Variants in CSTF1 observed in about 807,000 individuals in gnomAD.
CSTF1 encodes cleavage stimulation factor subunit 1.
Under a neutral mutation model 40.9 loss-of-function variants are expected in CSTF1, and 2 were observed. That is an observed-to-expected ratio of 0.05 (90% CI 0.02 to 0.15). CSTF1 has a LOEUF of 0.15. CSTF1 is among the 10% of genes least tolerant of loss of function. The pLI, the probability that CSTF1 is intolerant of heterozygous loss-of-function variation, is 1.00. For missense variants in CSTF1, 279 were observed against 558.9 expected (o/e 0.50, Z 5.05); for synonymous variants, 218 against 207.2 (o/e 1.05, Z -0.45).
Position 56,399,445 on chromosome 20 carries a change from A to G in CSTF1, c.1036+88A>G, listed in dbSNP as rs575780747. On this transcript the variant is annotated intron_variant, in intron 5 of 5. Transcript: ENST00000217109. This position sits in a 1 kb window ranked among gnomAD's most constrained non-coding sequence, Gnocchi z 4.6. ...TTAAGACCTCACAATAGAGCAACAC[A>G]ATATCTATGCATTGAGCAAGGCAGA... 5 of 1,178,518 alleles carry G rather than the reference A, an allele frequency of 4.2e-6. No individual in the cohort carries two copies. The African/African-American group carries it at 6.1e-5, about 14-fold the overall frequency. 73.0% of individuals were successfully genotyped at this position (1,178,518 alleles called of 1,614,324 possible).
rs576547236 is a variant in CSTF1, at chr20:56,401,058, A to G, written c.1036+1701A>G. 1.4e-3 allele frequency among the ~76,000 whole-genome samples: 213 copies of G among 152,296 alleles called. 2 individuals carry two copies. The highest frequency in any genetic ancestry group is 4.9e-3 in the African/African-American group (205 of 41,560). On this transcript the variant is annotated intron_variant, in intron 5 of 5. Coordinates refer to ENST00000217109, the MANE Select transcript of CSTF1 (RefSeq NM_001324.3). ...CGTCTCAAAAAATGATAATAATAATAATTAGTTAGAATTCAGAGGGTTTTT... is the reference window on the plus strand; with the variant it reads ...CGTCTCAAAAAATGATAATAATAATGATTAGTTAGAATTCAGAGGGTTTTT...
At chr20:56,400,139 C>A (rs189461289) in intron 5 of CSTF1, among the ~76,000 whole-genome samples, 3 of 152,058 alleles carry the variant, frequency 2.0e-5, no homozygotes, top group Non-Finnish European at 2.9e-5. Context: ...AAAAAAATCA[C>A]AAGAAAACAG....
chr20:56,403,537 T>C lies in CSTF1; in HGVS notation c.1106T>C (p.Leu369Ser), dbSNP rs1238155686. Residue 369 changes from leucine to serine, a missense_variant, in exon 6 of 6, where the codon TTG (leucine) becomes TCG (serine). Leu to Ser is a moderately radical substitution (Grantham distance 145, BLOSUM62 -2). This residue lies in a region of CSTF1 where 162 missense variants were observed against 337.1 expected (regional missense o/e 0.48). Coordinates refer to ENST00000217109, the MANE Select transcript of CSTF1 (RefSeq NM_001324.3). ...TTTAACCACACCGAGGACTATGTGTTGCTGCCCGACGAGAGGACGATCAGT... is the reference window on the plus strand; with the variant it reads ...TTTAACCACACCGAGGACTATGTGTCGCTGCCCGACGAGAGGACGATCAGT... ...AVFNHTEDYVLLPDERTISLC... is the reference protein window; with the variant it reads ...AVFNHTEDYVSLPDERTISLC... 9 of 1,614,156 alleles carry C rather than the reference T, an allele frequency of 5.6e-6. No homozygotes were observed. The highest frequency in any genetic ancestry group is 1.7e-5 in the Admixed American group (1 of 60,012).
intron 1 of CSTF1, among the ~76,000 whole-genome samples, chr20:56,394,511 C>T (rs1248024635): frequency 1.3e-5 from 2 of 152,204 alleles, no homozygotes; most frequent in Non-Finnish European, 2.9e-5. Flanking sequence ...AGCTTGAACC[C>T]AGGAGGCGGA....
chr20:56,397,494 C>G lies in CSTF1; in HGVS notation c.447+10C>G. On this transcript the variant is annotated intron_variant, in intron 3 of 5. Transcript: ENST00000217109. The surrounding 1 kb of genome is among the most constrained non-coding windows in gnomAD (Gnocchi z 4.4). ...TGCCATGCCAATAGAGGTAAAAATTCCAGTCACATACTTATTGATTGCCTT... is the reference window on the plus strand; with the variant it reads ...TGCCATGCCAATAGAGGTAAAAATTGCAGTCACATACTTATTGATTGCCTT... 1 of 1,611,496 alleles carries G rather than the reference C, an allele frequency of 6.2e-7. No homozygotes were observed. Among genetic ancestry groups the G allele is most frequent in the East Asian group, 2.2e-5 (1 of 44,842 alleles).
At chr20:56,393,170 A>ATGTG (rs11473393) in intron 1 of CSTF1, among the ~76,000 whole-genome samples, 6,663 of 132,054 alleles carry the variant, frequency 0.05, 401 homozygotes, top group African/African-American at 0.14. Context: ...ACACACACAT[A>ATGTG]TGTGTGTGTG....
intron 5 of CSTF1, among the ~76,000 whole-genome samples, chr20:56,401,817 A>G (rs929696317): frequency 6.6e-6 from 1 of 152,198 alleles, no homozygotes; most frequent in Non-Finnish European, 1.5e-5. Context: ...AGGTTCTGTA[A>G]CTACTCCATG....
rs867533925 is a variant in CSTF1 at position 56,404,020 on chromosome 20, G to A, written c.*293G>A. 6.4e-5 allele frequency: 20 copies of A among 311,444 alleles called. 1 individual carries two copies. Among genetic ancestry groups the A allele is most frequent in the Middle Eastern group, 9.4e-4 (1 of 1,068 alleles). The allele number at this position is 311,444 out of a possible 1,614,324, so 19.3% of individuals were successfully genotyped here. A position where few individuals can be genotyped will look rare whatever the true frequency, so the allele number is the denominator to read the frequency against. On this transcript the variant is annotated 3_prime_UTR_variant, in exon 6 of 6. Transcript: ENST00000217109. ...TTCTTTTGATCTCTTGATTGAAGGA[G>A]GATAGGGCATTAAAGTGCTTTTGAC...
rs1220539311 is a variant in CSTF1 at position 56,398,879 on chromosome 20, C to A, written c.646-88C>A. Reference sequence around the variant, plus strand: ...ATATCTAATAATTGTTTTATAGATTCTTTTCATCAGCCAGATATTTTCCAC... The same window carrying A: ...ATATCTAATAATTGTTTTATAGATTATTTTCATCAGCCAGATATTTTCCAC... On this transcript the variant is annotated intron_variant, in intron 4 of 5. Coordinates refer to ENST00000217109, the MANE Select transcript of CSTF1 (RefSeq NM_001324.3). 14 of 1,244,414 alleles carry A rather than the reference C, an allele frequency of 1.1e-5. No homozygotes were observed. In the East Asian group the frequency reaches 1.7e-4, roughly 15 times the overall value. The allele number at this position is 1,244,414 out of a possible 1,614,324, so 77.1% of individuals were successfully genotyped here.
chr20:56,401,999 C>T (rs1978470484), intron 5 of CSTF1, among the ~76,000 whole-genome samples: 1 of 152,116 alleles, frequency 6.6e-6, no homozygotes, highest in Non-Finnish European at 1.5e-5. Context: ...ATGACAAATG[C>T]TCTGACTTAA....
At position 56,399,226 on chromosome 20, in the gene CSTF1, A is replaced by G; in HGVS notation, c.905A>G (p.Lys302Arg). The change falls in exon 5 of 6, where the codon AAA becomes AGA. Residue 302 changes from lysine to arginine, a missense_variant. This residue lies in a region of CSTF1 where 162 missense variants were observed against 337.1 expected (regional missense o/e 0.48). Transcript: ENST00000217109. The surrounding 1 kb of genome is among the most constrained non-coding windows in gnomAD (Gnocchi z 4.6). ...VSNRCITTFE[K>R]AHDGAEVCSA... ...AATCGATGCATCACAACTTTTGAGA[A>G]AGCACATGACGGTGCTGAAGTTTGT... 1 of 1,614,252 alleles carries G rather than the reference A, an allele frequency of 6.2e-7. No homozygotes were observed. The highest frequency in any genetic ancestry group is 8.5e-7 in the Non-Finnish European group (1 of 1,180,044).
chr20:56,401,687 C>T (rs1245309565), intron 5 of CSTF1, among the ~76,000 whole-genome samples: 7 of 152,184 alleles, frequency 4.6e-5, no homozygotes, highest in African/African-American at 1.4e-4. Context: ...AAATCTGTTA[C>T]GCATCCATGG....
At chr20:56,403,105 A>G (rs1978536544) in intron 5 of CSTF1, among the ~76,000 whole-genome samples, 1 of 152,184 alleles carries the variant, frequency 6.6e-6, no homozygotes, top group South Asian at 2.1e-4. Context: ...TATTTTTAAA[A>G]TGTGTTTTTT....
At position 56,404,435 on chromosome 20, in the gene CSTF1, C is replaced by G. The variant is rs896349336; in HGVS notation, c.*708C>G. On this transcript the variant is annotated 3_prime_UTR_variant, in exon 6 of 6. Coordinates refer to ENST00000217109, the MANE Select transcript of CSTF1 (RefSeq NM_001324.3). Reference sequence around the variant, plus strand: ...TCATGAGAAACAATTGAAAATATATCCGATCTAATTAAATTAGGTCAGCCT... The same window carrying G: ...TCATGAGAAACAATTGAAAATATATGCGATCTAATTAAATTAGGTCAGCCT... The G allele has an allele frequency of 6.6e-6, 1 of 152,118 alleles. No individual in the cohort carries two copies. The highest frequency in any genetic ancestry group is 2.4e-5 in the African/African-American group (1 of 41,432). 9.4% of individuals were successfully genotyped at this position (152,118 alleles called of 1,614,324 possible).
At chr20:56,395,877 T>C in intron 2 of CSTF1, 156 bp downstream of exon 2, 1 of 744,672 alleles carries the variant, frequency 1.3e-6, no homozygotes, top group Non-Finnish European at 2.1e-6. Context: ...AGGAAGTAGC[T>C]CAGTAAGTAA....
rs773481374 is a variant in CSTF1 at position 56,403,936 on chromosome 20, A to G, written c.*209A>G. ...TGGAAACACAGATCTGTGCAGTTCTACATTCACTGATTATTACAGTGTGAT... is the reference window on the plus strand; with the variant it reads ...TGGAAACACAGATCTGTGCAGTTCTGCATTCACTGATTATTACAGTGTGAT... On this transcript the variant is annotated 3_prime_UTR_variant, in exon 6 of 6. Transcript: ENST00000217109. The G allele has an allele frequency of 3.3e-5, 18 of 551,758 alleles. No individual in the cohort carries two copies. Among genetic ancestry groups the G allele is most frequent in the Admixed American group, 2.2e-4 (7 of 32,186 alleles). 34.2% of individuals were successfully genotyped at this position (551,758 alleles called of 1,614,324 possible). A position where few individuals can be genotyped will look rare whatever the true frequency, so the allele number is the denominator to read the frequency against.
intron 1 of CSTF1, among the ~76,000 whole-genome samples, chr20:56,394,499 A>C (rs1487306467): frequency 6.6e-6 from 1 of 152,246 alleles, no homozygotes; most frequent in Non-Finnish European, 1.5e-5. Context: ...AGACAGGAGA[A>C]TAGCTTGAAC....
intron 1 of CSTF1, 42 bp from the exon 2 acceptor site, chr20:56,395,475 TTTAC>T: frequency 2.3e-6 from 3 of 1,297,420 alleles, no homozygotes; most frequent in Non-Finnish European, 3.2e-6. Context: ...GCTTCTGTGA[TTTAC>T]TAGAGCCTGT....
chr20:56,395,289 G>GT (rs1987484251), intron 1 of CSTF1, among the ~76,000 whole-genome samples: 1 of 152,202 alleles, frequency 6.6e-6, no homozygotes, highest in South Asian at 2.1e-4. Flanking sequence ...AACAATTTCT[G>GT]TATGCCAGGC....
Sources: allele counts gnomAD v4.1 joint callset (sites outside exome capture counted in the v4.1 genomes callset), GRCh38; gene constraint gnomAD v4.1.1; regional missense constraint gnomAD v4.1.1; non-coding constraint Gnocchi (gnomAD v3.1); transcripts MANE v1.5; gene names NCBI Gene and HGNC (gene_info 2026-07-23, HGNC 2026-07-21).